Variants in MAST2 observed in about 807,000 individuals in gnomAD.
MAST2 encodes the protein microtubule associated serine/threonine kinase 2, also known as microtubule-associated serine/threonine-protein kinase 2.
MAST2 carries 70 observed loss-of-function variants against 147.4 expected under a neutral mutation model. The ratio of observed to expected loss-of-function variants is 0.47; its 90% confidence interval spans 0.39 to 0.58. MAST2 has a LOEUF of 0.58. MAST2 is among the 20% of genes least tolerant of loss of function. MAST2 has a pLI of 0.00. For missense variants in MAST2, 2,080 were observed against 2,302.3 expected (o/e 0.90, Z 1.98); for synonymous variants, 869 against 896.8 (o/e 0.97, Z 0.55).
At chr1:46,001,107 T>G (rs1294796917) in intron 6 of MAST2, 4 of 716,848 alleles carry the variant, frequency 5.6e-6, no homozygotes, top group Middle Eastern at 2.8e-4. Flanking sequence ...GTATGAACAT[T>G]GGGCCTTTCA....
intron 4 of MAST2, among the ~76,000 whole-genome samples, chr1:45,898,508 G>GT (rs889463926): frequency 9.2e-5 from 14 of 151,798 alleles, no homozygotes; most frequent in African/African-American, 1.7e-4. Context: ...CTTCCGTTCT[G>GT]TTTTTTTTGT....
chr1:45,865,978 C>T (rs944620450), intron 3 of MAST2, among the ~76,000 whole-genome samples: 4 of 152,086 alleles, frequency 2.6e-5, no homozygotes, highest in African/African-American at 9.7e-5. Context: ...GTAGCTATTT[C>T]TGTTGTTTTC....
At chr1:45,808,272 C>T (rs1378340956) in intron 1 of MAST2, among the ~76,000 whole-genome samples, 1 of 152,094 alleles carries the variant, frequency 6.6e-6, no homozygotes. Flanking sequence ...GCTCTGTCGC[C>T]CAGGCTGGAG....
chr1:46,027,351 G>A (rs1229527614), intron 16 of MAST2, among the ~76,000 whole-genome samples: 1 of 152,150 alleles, frequency 6.6e-6, no homozygotes, highest in Non-Finnish European at 1.5e-5. Flanking sequence ...AGTATTATGG[G>A]CCACTCAGAT....
Position 46,030,510 on chromosome 1 carries a change from GTTCAAATT to G in MAST2, c.2554-96_2554-89del. 3.5e-6 allele frequency: 5 copies of G among 1,434,902 alleles called. No individual in the cohort carries two copies. The South Asian group carries it at 6.5e-5, about 19-fold the overall frequency. The allele number at this position is 1,434,902 out of a possible 1,614,324, so 88.9% of individuals were successfully genotyped here. On this transcript the variant is annotated intron_variant, in intron 21 of 28. Coordinates refer to ENST00000361297, the MANE Select transcript of MAST2 (RefSeq NM_015112.3). ...TGTGAAGGAGGGATGGAACCGACTGGTTCAAATTCCTAGGTTTCCGATGCCAAGGATGC... is the reference window on the plus strand; with the variant it reads ...TGTGAAGGAGGGATGGAACCGACTGGCCTAGGTTTCCGATGCCAAGGATGC...
intron 4 of MAST2, among the ~76,000 whole-genome samples, chr1:45,889,335 C>T (rs1350315706): frequency 3.3e-5 from 5 of 151,988 alleles, no homozygotes; most frequent in East Asian, 1.9e-4. Context: ...CACAGGTGCA[C>T]GCCGCCACAC....
intron 4 of MAST2, among the ~76,000 whole-genome samples, chr1:45,939,378 C>T (rs1656789665): frequency 6.6e-6 from 1 of 152,158 alleles, no homozygotes; most frequent in Non-Finnish European, 1.5e-5. Context: ...TATGCCTATC[C>T]TTGTGCTAAT....
At chr1:45,849,739 G>A (rs1330722619) in intron 3 of MAST2, among the ~76,000 whole-genome samples, 1 of 152,130 alleles carries the variant, frequency 6.6e-6, no homozygotes, top group African/African-American at 2.4e-5. Flanking sequence ...TATTAGCCAG[G>A]ATGGTCTGGA....
intron 5 of MAST2, among the ~76,000 whole-genome samples, chr1:45,976,103 T>C (rs1644144017): frequency 6.6e-6 from 1 of 151,968 alleles, no homozygotes; most frequent in African/African-American, 2.4e-5. Flanking sequence ...GCCTCCCAAG[T>C]AGCTGGGACT....
intron 10 of MAST2, among the ~76,000 whole-genome samples, chr1:46,014,573 C>T (rs1645854191): frequency 6.6e-6 from 1 of 151,912 alleles, no homozygotes; most frequent in South Asian, 2.1e-4. Context: ...TCCAGTCTAT[C>T]ATTGTTGGAC....
chr1:46,026,112 AGTGTCCTGAC>A (rs1646398978), intron 16 of MAST2, among the ~76,000 whole-genome samples: 1 of 152,220 alleles, frequency 6.6e-6, no homozygotes, highest in Non-Finnish European at 1.5e-5. Context: ...TGGCTAAACA[AGTGTCCTGAC>A]GTTTACTGAC....
chr1:46,029,895 C>T lies in MAST2; in HGVS notation c.2385C>T (p.Arg795=). 6.2e-7 allele frequency: 1 copy of T among 1,614,150 alleles called. No individual in the cohort carries two copies. The highest frequency in any genetic ancestry group is 1.3e-5 in the African/African-American group (1 of 75,028). ...GTCTGGACTGGACAGGACTTCTCCG[C>T]CAGAAGGCTGAATTTATTCCTCAGT... ...FTGLDWTGLL[R]QKAEFIPQLE... is the part of the protein sequence containing the mutation. The change falls in exon 20 of 29, where the codon CGC becomes CGT. Residue 795 remains arginine (R), a synonymous_variant. Transcript: ENST00000361297.
chr1:45,810,857 C>CT (rs1221701114), intron 1 of MAST2, among the ~76,000 whole-genome samples: 4,671 of 119,920 alleles, frequency 0.039, 334 homozygotes, highest in African/African-American at 0.13. Flanking sequence ...GCAGTATATT[C>CT]TTTTTTTTTT....
At chr1:45,907,614 A>G (rs1650984831) in intron 4 of MAST2, among the ~76,000 whole-genome samples, 1 of 152,136 alleles carries the variant, frequency 6.6e-6, no homozygotes, top group Non-Finnish European at 1.5e-5. Flanking sequence ...ATACAATGTA[A>G]TGACATTAAC....
chr1:46,035,962 A>C lies in MAST2; in HGVS notation c.5293A>C (p.Thr1765Pro), dbSNP rs1159218969. The change falls in exon 29 of 29, where the codon ACC (threonine) becomes CCC (proline). Residue 1765 changes from threonine (T) to proline (P), a missense_variant. Around this residue, in one of 4 missense-constraint regions of MAST2, gnomAD observed 1,278 missense variants for 1,304.2 expected, o/e 0.98. Coordinates refer to ENST00000361297, the MANE Select transcript of MAST2 (RefSeq NM_015112.3). The surrounding 1 kb of genome is among the most constrained non-coding windows in gnomAD (Gnocchi z 5.5). ...QDVPCRGCPL[T>P]QKSEPSLRRG... ...CGTTCCATGCCGAGGCTGCCCCCTCACCCAGAAGTCTGAGCCCAGCCTCAG... is the reference window on the plus strand; with the variant it reads ...CGTTCCATGCCGAGGCTGCCCCCTCCCCCAGAAGTCTGAGCCCAGCCTCAG... The C allele has an allele frequency of 5.6e-6, 9 of 1,613,792 alleles. No homozygotes were observed. The highest frequency in any genetic ancestry group is 7.6e-6 in the Non-Finnish European group (9 of 1,180,036).
chr1:45,964,735 C>G (rs375695025), intron 5 of MAST2, among the ~76,000 whole-genome samples: 1 of 152,046 alleles, frequency 6.6e-6, no homozygotes, highest in African/African-American at 2.4e-5. Context: ...CTGCTCTGAT[C>G]TTAGTTATTT....
Position 46,034,900 on chromosome 1 carries a change from C to A in MAST2, c.4231C>A (p.Leu1411Met). Residue 1411 changes from leucine (L) to methionine (M), a missense_variant, in exon 29 of 29, where the codon CTG (leucine) becomes ATG (methionine). Leu to Met is a conservative substitution (Grantham distance 15). Coordinates refer to ENST00000361297, the MANE Select transcript of MAST2 (RefSeq NM_015112.3). ...LLKRVQSAEK[L>M]AAALAASEKK... is the part of the protein sequence containing the mutation. Reference sequence around the variant, plus strand: ...CAAGAGGGTGCAGTCGGCTGAGAAACTGGCAGCAGCACTTGCCGCCTCTGA... The same window carrying A: ...CAAGAGGGTGCAGTCGGCTGAGAAAATGGCAGCAGCACTTGCCGCCTCTGA... The A allele has an allele frequency of 1.2e-6, 2 of 1,614,224 alleles. No homozygotes were observed. The highest frequency in any genetic ancestry group is 1.7e-6 in the Non-Finnish European group (2 of 1,180,046).
intron 12 of MAST2, 27 bp from the exon 13 acceptor site, chr1:46,022,883 A>G: frequency 6.3e-7 from 1 of 1,595,062 alleles, no homozygotes; most frequent in Non-Finnish European, 8.6e-7. Context: ...TGCCACGCAC[A>G]TTCTTCTCTT....
intron 2 of MAST2, among the ~76,000 whole-genome samples, chr1:45,825,051 A>G (rs943880385): frequency 6.6e-5 from 10 of 152,040 alleles, no homozygotes; most frequent in African/African-American, 2.4e-4. Flanking sequence ...TTTGAGATGG[A>G]GTTTCGCTCC....
Sources: gnomAD v4.1 joint callset for allele counts (sites outside exome capture counted in the v4.1 genomes callset) on GRCh38, gnomAD v4.1.1 for gene constraint, gnomAD v4.1.1 regional missense constraint, Gnocchi (gnomAD v3.1) non-coding constraint, MANE v1.5 for transcripts, NCBI Gene and HGNC (gene_info 2026-07-23, HGNC 2026-07-21) for gene names.